SLC5A7: variants seen among roughly 807,000 people sequenced by gnomAD.
The protein encoded by SLC5A7 is solute carrier family 5 member 7.
In SLC5A7, 19 loss-of-function variants were observed where a neutral mutation model predicts 55.4. That is an observed-to-expected ratio of 0.34 (90% CI 0.24 to 0.50). SLC5A7 has a LOEUF of 0.50. Among genes scored for constraint, SLC5A7 ranks in the 20% least tolerant of loss-of-function variants. The pLI, the probability that SLC5A7 is intolerant of heterozygous loss-of-function variation, is 0.98. For missense variants in SLC5A7, 506 were observed against 705.3 expected (o/e 0.72, Z 3.20); for synonymous variants, 265 against 263.7 (o/e 1.00, Z -0.05).
In SLC5A7 at chr2:108,010,535, T is replaced by C; in HGVS notation, c.1417T>C (p.Tyr473His). The change falls in exon 9 of 9, where the codon TAT becomes CAT. Residue 473 changes from tyrosine to histidine, a missense_variant. Tyr to His is a moderately conservative substitution (Grantham distance 83). Transcript: ENST00000264047. ...PGYYPDDNGIYNQKFPFKTLA... is the reference protein window; with the variant it reads ...PGYYPDDNGIHNQKFPFKTLA... ...CTATTACCCTGATGATAATGGTATA[T>C]ATAATCAGAAATTTCCATTTAAAAC... 1.2e-6 allele frequency: 2 copies of C among 1,613,874 alleles called. No homozygotes were observed. Among genetic ancestry groups the C allele is most frequent in the South Asian group, 1.1e-5 (1 of 91,072 alleles).
intron 4 of SLC5A7, 78 bp downstream of exon 4, chr2:107,993,205 C>A: frequency 6.6e-7 from 1 of 1,507,450 alleles, no homozygotes; most frequent in South Asian, 1.2e-5. Flanking sequence ...TTTCCTCAGC[C>A]TTGGCTTCTG....
chr2:107,993,171 T>C (rs1573593809), intron 4 of SLC5A7, 44 bp downstream of exon 4: 2 of 1,606,984 alleles, frequency 1.2e-6, no homozygotes, highest in East Asian at 4.5e-5. Context: ...TGTAGTTAAC[T>C]AAACATCAGA....
chr2:107,998,797 A>G (rs1389231568), intron 5 of SLC5A7, among the ~76,000 whole-genome samples: 2 of 152,206 alleles, frequency 1.3e-5, no homozygotes, highest in African/African-American at 4.8e-5. Flanking sequence ...AGACTGAGCA[A>G]CCTAACACTA....
At position 108,012,549 on chromosome 2, in the gene SLC5A7, G is replaced by A. The variant is rs1246532973; in HGVS notation, c.*1688G>A. 1 of 151,784 alleles carries A rather than the reference G, an allele frequency of 6.6e-6. No homozygotes were observed. Among genetic ancestry groups the A allele is most frequent in the Non-Finnish European group, 1.5e-5 (1 of 67,972 alleles). 9.4% of individuals were successfully genotyped at this position (151,784 alleles called of 1,614,324 possible). ...AATGTCTAGGATAATTTTTAAAAGAGGAAATTAAATAATTTTACATGTCTC... is the reference window on the plus strand; with the variant it reads ...AATGTCTAGGATAATTTTTAAAAGAAGAAATTAAATAATTTTACATGTCTC... On this transcript the variant is annotated 3_prime_UTR_variant, in exon 9 of 9. Coordinates refer to ENST00000264047, the MANE Select transcript of SLC5A7 (RefSeq NM_021815.5).
At position 107,997,856 on chromosome 2, in the gene SLC5A7, T is replaced by C; in HGVS notation, c.467T>C (p.Ile156Thr). 1 of 1,609,926 alleles carries C rather than the reference T, an allele frequency of 6.2e-7. No individual in the cohort carries two copies. The highest frequency in any genetic ancestry group is 8.5e-7 in the Non-Finnish European group (1 of 1,177,836). Residue 156 changes from isoleucine to threonine, a missense_variant, in exon 5 of 9, where the codon ATC (isoleucine) becomes ACC (threonine). Physicochemically the swap from Ile to Thr is moderately conservative, Grantham distance 89. This residue lies in a region of SLC5A7 where 309 missense variants were observed against 478.6 expected (regional missense o/e 0.65). Coordinates refer to ENST00000264047, the MANE Select transcript of SLC5A7 (RefSeq NM_021815.5). Reference protein sequence around the residue: ...FSALGATISVIIDVDMHISVI... With the variant: ...FSALGATISVTIDVDMHISVI... Reference sequence around the variant, plus strand: ...GTTTCAGGAGCCACCATCAGCGTGATCATCGATGTGGATATGCACATTTCT... The same window carrying C: ...GTTTCAGGAGCCACCATCAGCGTGACCATCGATGTGGATATGCACATTTCT...
intron 6 of SLC5A7, 126 bp downstream of exon 6, chr2:108,002,166 C>G: frequency 8.7e-7 from 1 of 1,143,110 alleles, no homozygotes; most frequent in Non-Finnish European, 1.2e-6. Flanking sequence ...GAATTGAGGA[C>G]TCTCTATCGG....
intron 7 of SLC5A7, 135 bp from the exon 8 acceptor site, chr2:108,008,330 C>A: frequency 1.5e-6 from 1 of 648,910 alleles, no homozygotes; most frequent in East Asian, 2.7e-5. Context: ...TTGACCAGCA[C>A]ATGGACTTCA....
intron 6 of SLC5A7, 26 bp downstream of exon 6, chr2:108,002,066 T>A: frequency 6.3e-7 from 1 of 1,591,338 alleles, no homozygotes; most frequent in East Asian, 2.2e-5. Flanking sequence ...ACCTGAAGAA[T>A]GTGATTTAAT....
chr2:108,001,528 C>A (rs919286280), intron 5 of SLC5A7, among the ~76,000 whole-genome samples: 7 of 151,262 alleles, frequency 4.6e-5, no homozygotes, highest in Admixed American at 3.3e-4. Flanking sequence ...AAAAAATTAG[C>A]CGGGCGTAGT....
At chr2:107,998,969 T>G (rs747212718) in intron 5 of SLC5A7, among the ~76,000 whole-genome samples, 1 of 152,246 alleles carries the variant, frequency 6.6e-6, no homozygotes, top group East Asian at 1.9e-4. Context: ...TCTCTCCTTT[T>G]TATAAACTTT....
chr2:107,994,406 A>AC (rs938906114), intron 4 of SLC5A7, among the ~76,000 whole-genome samples: 7 of 152,116 alleles, frequency 4.6e-5, no homozygotes, highest in African/African-American at 1.7e-4. Context: ...ACATAGTGAA[A>AC]CCCCATCTCT....
chr2:107,989,254 G>C (rs1677356295), intron 2 of SLC5A7, among the ~76,000 whole-genome samples: 1 of 152,178 alleles, frequency 6.6e-6, no homozygotes, highest in African/African-American at 2.4e-5. Flanking sequence ...AGAACTGTGA[G>C]CGTTCATTGG....
At chr2:108,010,176 G>A in intron 8 of SLC5A7, 56 bp from the exon 9 acceptor site, 1 of 1,554,632 alleles carries the variant, frequency 6.4e-7, no homozygotes, top group Non-Finnish European at 8.7e-7. Flanking sequence ...CTCATTCTTT[G>A]CCTAAATGAG....
intron 5 of SLC5A7, among the ~76,000 whole-genome samples, chr2:108,001,207 G>A (rs1677880202): frequency 1.3e-5 from 2 of 148,456 alleles, no homozygotes; most frequent in African/African-American, 5.1e-5. Context: ...ATCTATTTAT[G>A]TATGTGTGTG....
chr2:107,987,039 A>C (rs572930624), intron 1 of SLC5A7, among the ~76,000 whole-genome samples: 3 of 152,010 alleles, frequency 2.0e-5, no homozygotes, highest in Middle Eastern at 3.2e-3. Flanking sequence ...TTGGTTGCTC[A>C]CAAAGGCAGA....
At chr2:108,004,140 G>T (rs1678019491) in intron 6 of SLC5A7, among the ~76,000 whole-genome samples, 1 of 152,136 alleles carries the variant, frequency 6.6e-6, no homozygotes, top group South Asian at 2.1e-4. Flanking sequence ...TCAGTCCATT[G>T]TATCATGAGA....
chr2:108,002,306 A>C (rs965902411), intron 6 of SLC5A7, among the ~76,000 whole-genome samples: 3 of 152,150 alleles, frequency 2.0e-5, no homozygotes, highest in Admixed American at 6.5e-5. Context: ...AAGTCAAGGA[A>C]TAACATGCCC....
At chr2:108,003,730 T>C (rs988222058) in intron 6 of SLC5A7, among the ~76,000 whole-genome samples, 7 of 152,244 alleles carry the variant, frequency 4.6e-5, no homozygotes, top group African/African-American at 1.7e-4. Flanking sequence ...ATCTCTCTGA[T>C]GGCAGCCTGC....
chr2:107,989,408 G>A (rs540762727), intron 2 of SLC5A7, among the ~76,000 whole-genome samples: 247 of 152,262 alleles, frequency 1.6e-3, no homozygotes, highest in African/African-American at 5.7e-3. Context: ...CCTTGACTTT[G>A]GCAATCTGAA....
Sources: allele counts gnomAD v4.1 joint callset (sites outside exome capture counted in the v4.1 genomes callset), GRCh38; gene constraint gnomAD v4.1.1; regional missense constraint gnomAD v4.1.1; transcripts MANE v1.5; gene names NCBI Gene and HGNC (gene_info 2026-07-23, HGNC 2026-07-21).